SANBR: variants seen among roughly 807,000 people sequenced by gnomAD.
SANBR encodes the protein SANT and BTB domain regulator of class switch recombination.
SANBR carries 77 observed loss-of-function variants against 101.8 expected under a neutral mutation model. The observed-to-expected ratio is 0.76, with a 90% CI of 0.63 to 0.91. The LOEUF (loss-of-function observed/expected upper bound fraction) is 0.91. Among genes scored for constraint, SANBR ranks in the 40% least tolerant of loss-of-function variants. The pLI, the probability that SANBR is intolerant of heterozygous loss-of-function variation, is 0.00. For synonymous variants in SANBR, 279 were observed against 274.7 expected (o/e 1.02, Z -0.15); for missense variants, 875 against 853.0 (o/e 1.03, Z -0.32).
At chr2:61,087,590 G>A (rs796421636) in intron 8 of SANBR, among the ~76,000 whole-genome samples, 4 of 151,976 alleles carry the variant, frequency 2.6e-5, no homozygotes, top group Admixed American at 6.6e-5. Context: ...AGTGGCTCAC[G>A]CCTGTAATCC....
chr2:61,112,851 T>A (rs1165914351), intron 16 of SANBR, among the ~76,000 whole-genome samples: 1 of 152,218 alleles, frequency 6.6e-6, no homozygotes, highest in Non-Finnish European at 1.5e-5. Flanking sequence ...GAATTCTAAT[T>A]TTTTAGTTTT....
chr2:61,105,815 G>A (rs1014701843), intron 13 of SANBR, among the ~76,000 whole-genome samples: 9 of 152,104 alleles, frequency 5.9e-5, no homozygotes, highest in African/African-American at 2.2e-4. Context: ...AGGATTACAG[G>A]CATGTGCCAC....
At chr2:61,097,120 C>T (rs887207607) in intron 11 of SANBR, among the ~76,000 whole-genome samples, 2 of 152,210 alleles carry the variant, frequency 1.3e-5, no homozygotes, top group Non-Finnish European at 2.9e-5. Flanking sequence ...CACCACTTCA[C>T]TCCAGCCTGG....
At chr2:61,115,905 A>T in intron 16 of SANBR, 74 bp from the exon 17 acceptor site, 8 of 851,124 alleles carry the variant, frequency 9.4e-6, no homozygotes, top group Non-Finnish European at 1.3e-5. Flanking sequence ...TAATGGTCTT[A>T]TTGTTTAGAA....
At chr2:61,086,887 T>C (rs1682461648) in intron 8 of SANBR, among the ~76,000 whole-genome samples, 1 of 152,120 alleles carries the variant, frequency 6.6e-6, no homozygotes, top group Non-Finnish European at 1.5e-5. Context: ...ATCCAAGAGC[T>C]AAATAATTGA....
chr2:61,078,603 G>T (rs984514033), intron 6 of SANBR, among the ~76,000 whole-genome samples: 2 of 151,430 alleles, frequency 1.3e-5, no homozygotes, highest in Admixed American at 6.6e-5. Context: ...TGTATTTTTA[G>T]TAGAGACAGG....
chr2:61,104,216 C>T (rs1251624080), intron 13 of SANBR, among the ~76,000 whole-genome samples: 2 of 152,138 alleles, frequency 1.3e-5, no homozygotes, highest in African/African-American at 2.4e-5. Flanking sequence ...GGCGCGGTGG[C>T]TCACACCTGT....
chr2:61,096,266 C>T (rs1169729720), intron 11 of SANBR, among the ~76,000 whole-genome samples: 1 of 152,162 alleles, frequency 6.6e-6, no homozygotes. Context: ...AAAGTCTTGT[C>T]CCCTCTAGAT....
chr2:61,125,122 G>C (rs72883027), downstream of SANBR, among the ~76,000 whole-genome samples: 129 of 152,180 alleles, frequency 8.5e-4, no homozygotes, highest in African/African-American at 2.8e-3. Context: ...TGGGGAAGAT[G>C]GTACAAGAAT....
At chr2:61,136,991 C>CGAT (rs1684871385) in intron 21 of SANBR, among the ~76,000 whole-genome samples, 1 of 150,510 alleles carries the variant, frequency 6.6e-6, no homozygotes, top group Admixed American at 6.6e-5. Flanking sequence ...ACAACAACAA[C>CGAT]GATAATAATA....
At chr2:61,078,210 A>G (rs1681894609) in intron 6 of SANBR, among the ~76,000 whole-genome samples, 1 of 152,214 alleles carries the variant, frequency 6.6e-6, no homozygotes, top group Non-Finnish European at 1.5e-5. Context: ...TGCAAAGTGA[A>G]AGATAAATTA....
chr2:61,136,070 C>T (rs568225122), intron 21 of SANBR, among the ~76,000 whole-genome samples: 11 of 152,086 alleles, frequency 7.2e-5, no homozygotes, highest in African/African-American at 9.6e-5. Flanking sequence ...TCTGGGAGGC[C>T]GAGGCGGGCG....
chr2:61,113,399 CATA>C (rs1683927763), intron 16 of SANBR, among the ~76,000 whole-genome samples: 3 of 152,148 alleles, frequency 2.0e-5, no homozygotes, highest in Non-Finnish European at 1.5e-5. Context: ...GTGTTGAACC[CATA>C]TACCAATTTG....
At chr2:61,107,999 T>C (rs559420564) in intron 14 of SANBR, among the ~76,000 whole-genome samples, 2 of 152,210 alleles carry the variant, frequency 1.3e-5, no homozygotes, top group Non-Finnish European at 1.5e-5. Context: ...TATTAAAATA[T>C]AAACATTAAA....
chr2:61,095,789 C>T (rs1683001312), intron 11 of SANBR, among the ~76,000 whole-genome samples: 1 of 152,122 alleles, frequency 6.6e-6, no homozygotes, highest in African/African-American at 2.4e-5. Flanking sequence ...CAAAAAGAAA[C>T]AAGTGATCAG....
At chr2:61,113,033 T>G (rs898331394) in intron 16 of SANBR, among the ~76,000 whole-genome samples, 6 of 152,338 alleles carry the variant, frequency 3.9e-5, no homozygotes, top group African/African-American at 1.4e-4. Flanking sequence ...AGCTTCCTTT[T>G]TTTCCATAGG....
chr2:61,126,217 A>T (rs1408350103), downstream of SANBR, among the ~76,000 whole-genome samples: 1 of 152,178 alleles, frequency 6.6e-6, no homozygotes, highest in African/African-American at 2.4e-5. Flanking sequence ...CACAAGGCAA[A>T]TATCTAGAAA....
At chr2:61,081,560 T>C (rs1682129183) in intron 7 of SANBR, 50 bp downstream of exon 7, 1 of 1,462,304 alleles carries the variant, frequency 6.8e-7, no homozygotes, top group Non-Finnish European at 9.1e-7. Context: ...ACTTATGCTT[T>C]CTTTTCCTTC....
chr2:61,122,887 T>C lies in SANBR; in HGVS notation c.*725T>C. ...TAGTGGCATTCTGAATTTGGTAAAATAACCATTGATAGTTTTAGGATAGTA... is the reference window on the plus strand; with the variant it reads ...TAGTGGCATTCTGAATTTGGTAAAACAACCATTGATAGTTTTAGGATAGTA... On this transcript the variant is annotated 3_prime_UTR_variant, in exon 22 of 22. Coordinates refer to ENST00000402291, the MANE Select transcript of SANBR (RefSeq NM_001129993.3). The C allele has an allele frequency of 1.0e-6, 1 of 985,232 alleles. No homozygotes were observed. Among genetic ancestry groups the C allele is most frequent in the Non-Finnish European group, 1.2e-6 (1 of 829,654 alleles). The allele number at this position is 985,232 out of a possible 1,614,324, so 61.0% of individuals were successfully genotyped here. A position where few individuals can be genotyped will look rare whatever the true frequency, so the allele number is the denominator to read the frequency against.
Sources: allele counts gnomAD v4.1 joint callset (sites outside exome capture counted in the v4.1 genomes callset), GRCh38; gene constraint gnomAD v4.1.1; transcripts MANE v1.5; gene names NCBI Gene and HGNC (gene_info 2026-07-23, HGNC 2026-07-21).